Variants in TMEM135 observed in about 807,000 individuals in gnomAD.
The protein encoded by TMEM135 is peroxisomal membrane protein 52.
In TMEM135, 30 loss-of-function variants were observed where a neutral mutation model predicts 60.3. That is an observed-to-expected ratio of 0.50 (90% CI 0.37 to 0.68). TMEM135 has a LOEUF of 0.68. Ranked by LOEUF, TMEM135 falls within the 30% of genes least tolerant of loss-of-function variation. The probability of loss-of-function intolerance (pLI) is 0.00; values close to 1 mark genes in which losing one functional copy is unlikely to be tolerated. For synonymous variants in TMEM135, 190 were observed against 186.7 expected (o/e 1.02, Z -0.14); for missense variants, 468 against 548.8 (o/e 0.85, Z 1.47).
chr11:87,311,144 T>G (rs1942635856), intron 10 of TMEM135, among the ~76,000 whole-genome samples: 1 of 151,600 alleles, frequency 6.6e-6, no homozygotes, highest in Admixed American at 6.6e-5. Flanking sequence ...TACACACTTT[T>G]TGTTGTTAAA....
Position 87,313,417 on chromosome 11 carries a change from T to A in TMEM135, c.937-8T>A. ...TAACTGAAGTCATTGTATTTTCTCC[T>A]TAACTAGGGTACTAGTTGCTTCCTG... On this transcript the variant is annotated splice_region_variant and splice_polypyrimidine_tract_variant and intron_variant, in intron 10 of 14. Transcript: ENST00000305494. The A allele has an allele frequency of 6.2e-7, 1 of 1,606,084 alleles. No homozygotes were observed. Among genetic ancestry groups the A allele is most frequent in the Non-Finnish European group, 8.5e-7 (1 of 1,173,436 alleles).
chr11:87,265,209 A>G (rs1271348251), intron 6 of TMEM135, among the ~76,000 whole-genome samples: 1 of 151,984 alleles, frequency 6.6e-6, no homozygotes, highest in East Asian at 1.9e-4. Flanking sequence ...TATAGCTAGA[A>G]GCCAAGATTT....
chr11:87,289,115 C>T (rs1359523510), intron 6 of TMEM135, among the ~76,000 whole-genome samples: 1 of 152,200 alleles, frequency 6.6e-6, no homozygotes, highest in African/African-American at 2.4e-5. Flanking sequence ...TCCATATTGT[C>T]TGCACCTTCT....
intron 4 of TMEM135, among the ~76,000 whole-genome samples, chr11:87,104,969 G>C (rs1311601226): frequency 6.6e-6 from 1 of 152,162 alleles, no homozygotes; most frequent in Non-Finnish European, 1.5e-5. Flanking sequence ...AAAAGAGATG[G>C]TGAGAGTGGG....
At chr11:87,155,326 C>T (rs963095354) in intron 4 of TMEM135, among the ~76,000 whole-genome samples, 10 of 152,184 alleles carry the variant, frequency 6.6e-5, no homozygotes, top group South Asian at 2.1e-4. Context: ...CTTGTGCTTT[C>T]GGTGTCATAT....
At chr11:87,233,793 G>T (rs1940937938) in intron 5 of TMEM135, among the ~76,000 whole-genome samples, 2 of 152,018 alleles carry the variant, frequency 1.3e-5, no homozygotes, top group Admixed American at 6.6e-5. Context: ...AGCTCAGTGA[G>T]TATGGGCATA....
intron 5 of TMEM135, among the ~76,000 whole-genome samples, chr11:87,205,889 T>G (rs904187949): frequency 3.3e-5 from 5 of 152,136 alleles, no homozygotes; most frequent in Non-Finnish European, 7.4e-5. Flanking sequence ...GGAGAAATAG[T>G]GAGTACCTGA....
intron 5 of TMEM135, among the ~76,000 whole-genome samples, chr11:87,189,256 G>A (rs1033797525): frequency 1.6e-4 from 25 of 151,746 alleles, no homozygotes; most frequent in Admixed American, 3.9e-4. Flanking sequence ...TGCTTCCCGG[G>A]TTCAAGCAAT....
At chr11:87,246,750 C>T (rs1382176209) in intron 6 of TMEM135, among the ~76,000 whole-genome samples, 2 of 126,880 alleles carry the variant, frequency 1.6e-5, no homozygotes, top group African/African-American at 3.0e-5. Context: ...GTTATACATT[C>T]GTCTAAATTT....
chr11:87,236,322 A>G (rs1476423222), intron 5 of TMEM135, among the ~76,000 whole-genome samples: 2 of 151,978 alleles, frequency 1.3e-5, no homozygotes, highest in Admixed American at 6.6e-5. Context: ...GTCTTGGGCC[A>G]TACTTGAAAT....
intron 4 of TMEM135, among the ~76,000 whole-genome samples, chr11:87,120,683 G>C (rs1441878850): frequency 6.6e-6 from 1 of 151,832 alleles, no homozygotes; most frequent in African/African-American, 2.4e-5. Flanking sequence ...GGCCAGGATG[G>C]TCTCGATCTC....
chr11:87,213,179 C>A (rs1940416767), intron 5 of TMEM135, among the ~76,000 whole-genome samples: 1 of 152,072 alleles, frequency 6.6e-6, no homozygotes, highest in Non-Finnish European at 1.5e-5. Flanking sequence ...ATCTGTTTCT[C>A]ATTGCTTAGT....
chr11:87,112,401 CT>C (rs1446899655), intron 4 of TMEM135, among the ~76,000 whole-genome samples: 1 of 152,054 alleles, frequency 6.6e-6, no homozygotes, highest in Non-Finnish European at 1.5e-5. Context: ...CTGTAGCTCT[CT>C]GGTCATCAAC....
At chr11:87,211,501 G>A (rs588006) in intron 5 of TMEM135, among the ~76,000 whole-genome samples, 19,733 of 152,040 alleles carry the variant, frequency 0.13, 1,310 homozygotes, top group Non-Finnish European at 0.14. Flanking sequence ...GGAGGCCACA[G>A]GAACCATTGC....
intron 5 of TMEM135, among the ~76,000 whole-genome samples, chr11:87,194,881 T>C (rs1769493725): frequency 6.6e-6 from 1 of 152,208 alleles, no homozygotes; most frequent in Admixed American, 6.5e-5. Context: ...TGAGGTTATC[T>C]TTTACATAAA....
chr11:87,149,955 G>A (rs112322770), intron 4 of TMEM135, among the ~76,000 whole-genome samples: 118 of 152,202 alleles, frequency 7.8e-4, no homozygotes, highest in African/African-American at 9.9e-4. Flanking sequence ...GGTGGTGCAC[G>A]CCTGTAATCC....
chr11:87,260,833 T>A (rs1565145931), intron 6 of TMEM135, among the ~76,000 whole-genome samples: 1 of 152,146 alleles, frequency 6.6e-6, no homozygotes, highest in Non-Finnish European at 1.5e-5. Context: ...GTAAGGGCTA[T>A]AAAGCAGTTC....
At chr11:87,256,002 A>G (rs1204691054) in intron 6 of TMEM135, among the ~76,000 whole-genome samples, 1 of 152,214 alleles carries the variant, frequency 6.6e-6, no homozygotes, top group Admixed American at 6.5e-5. Context: ...TTTATAATGA[A>G]ATACATTGAT....
Position 87,190,358 on chromosome 11 carries a change from C to T in TMEM135, c.462+32952C>T, listed in dbSNP as rs76649742. 9.2e-3 allele frequency among the ~76,000 whole-genome samples: 1,401 copies of T among 152,020 alleles called. 20 individuals are homozygous for T. Among genetic ancestry groups the T allele is most frequent in the African/African-American group, 0.032 (1,316 of 41,452 alleles). ...GAGAAGTAGTGGTAATGATGGTGTTCGGTGAGAGAGAGGGAGAGAGAAGGA... is the reference window on the plus strand; with the variant it reads ...GAGAAGTAGTGGTAATGATGGTGTTTGGTGAGAGAGAGGGAGAGAGAAGGA... On this transcript the variant is annotated intron_variant, in intron 5 of 14. Transcript: ENST00000305494.
Sources: gnomAD v4.1 joint callset for allele counts (sites outside exome capture counted in the v4.1 genomes callset) on GRCh38, gnomAD v4.1.1 for gene constraint, MANE v1.5 for transcripts, NCBI Gene and HGNC (gene_info 2026-07-23, HGNC 2026-07-21) for gene names.